Variants in CYTH3 observed in about 807,000 individuals in gnomAD.
CYTH3 encodes the protein cytohesin-3.
A neutral mutation model predicts 55.1 loss-of-function variants in CYTH3; 23 were observed. The observed-to-expected ratio is 0.42, with a 90% CI of 0.30 to 0.59. CYTH3 has a LOEUF of 0.59. CYTH3 is among the 20% of genes least tolerant of loss of function. CYTH3 has a pLI of 0.20. For missense variants in CYTH3, 413 were observed against 524.8 expected (o/e 0.79, Z 2.08); for synonymous variants, 249 against 194.9 (o/e 1.28, Z -2.31).
chr7:6,219,003 C>CAAA (rs35386425), intron 1 of CYTH3, among the ~76,000 whole-genome samples: 23 of 74,282 alleles, frequency 3.1e-4, no homozygotes, highest in South Asian at 9.8e-4. Context: ...GACTCCGTCT[C>CAAA]AAAAAAAAAA....
chr7:6,250,138 C>T (rs1163668813), intron 1 of CYTH3, among the ~76,000 whole-genome samples: 1 of 152,134 alleles, frequency 6.6e-6, no homozygotes, highest in African/African-American at 2.4e-5. Context: ...AGACTCTTCA[C>T]GCTTCTGTTA....
intron 1 of CYTH3, among the ~76,000 whole-genome samples, chr7:6,268,715 C>T (rs1048861437): frequency 2.0e-5 from 3 of 152,102 alleles, no homozygotes; most frequent in African/African-American, 4.8e-5. Flanking sequence ...AGGATTTACA[C>T]GCCTGTAATT....
intron 1 of CYTH3, among the ~76,000 whole-genome samples, chr7:6,217,751 G>C (rs1476917234): frequency 6.6e-6 from 1 of 152,080 alleles, no homozygotes; most frequent in East Asian, 1.9e-4. Flanking sequence ...TGTTTTTCAA[G>C]ACCCCACAGA....
At position 6,234,243 on chromosome 7, in the gene CYTH3, G is replaced by T. The variant is rs185298062; in HGVS notation, c.34+38231C>A. On this transcript the variant is annotated intron_variant, in intron 1 of 12. Transcript: ENST00000350796. ...CCACTGGAGATCCCTGTTAACAAGGGAGAGTTCTGGAGTGGCCCTCTCTTA... is the reference window on the plus strand; with the variant it reads ...CCACTGGAGATCCCTGTTAACAAGGTAGAGTTCTGGAGTGGCCCTCTCTTA... 3.9e-5 allele frequency among the ~76,000 whole-genome samples: 6 copies of T among 152,302 alleles called. No homozygotes were observed. In the East Asian group the frequency reaches 1.2e-3, roughly 29 times the overall value.
At chr7:6,206,838 T>C (rs1467418090) in intron 1 of CYTH3, among the ~76,000 whole-genome samples, 1 of 152,174 alleles carries the variant, frequency 6.6e-6, no homozygotes, top group Non-Finnish European at 1.5e-5. Flanking sequence ...CCTGTGGCTC[T>C]AAGATACAAA....
chr7:6,248,073 T>C (rs1479583910), intron 1 of CYTH3, among the ~76,000 whole-genome samples: 2 of 152,120 alleles, frequency 1.3e-5, no homozygotes, highest in East Asian at 1.9e-4. Context: ...CAGCACAAAG[T>C]AGATTCAATC....
chr7:6,229,615 GC>G (rs1230220936), intron 1 of CYTH3, among the ~76,000 whole-genome samples: 1 of 147,034 alleles, frequency 6.8e-6, no homozygotes, highest in Non-Finnish European at 1.5e-5. Context: ...CTCAAGACCA[GC>G]CTGGCCAACA....
At chr7:6,178,102 T>C (rs1026750151) in intron 4 of CYTH3, among the ~76,000 whole-genome samples, 161 bp from the exon 5 acceptor site, 2 of 152,206 alleles carry the variant, frequency 1.3e-5, no homozygotes, top group African/African-American at 2.4e-5. Flanking sequence ...CCCAAATCCA[T>C]ACTACATTTT....
At chr7:6,192,572 G>C (rs187062815) in intron 1 of CYTH3, among the ~76,000 whole-genome samples, 1 of 130,612 alleles carries the variant, frequency 7.7e-6, no homozygotes, top group Non-Finnish European at 1.5e-5. Flanking sequence ...TCGCTCTGTC[G>C]CCAGGCTGGA....
chr7:6,204,903 G>A lies in CYTH3; in HGVS notation c.35-14372C>T, dbSNP rs189789306. ...CTAGAGGATGAGTGCGGTGGCTCAC[G>A]CCTGTAATTCCAGAGCTTTGGGAGG... On this transcript the variant is annotated intron_variant, in intron 1 of 12. Coordinates refer to ENST00000350796, the MANE Select transcript of CYTH3 (RefSeq NM_004227.4). 2.2e-3 allele frequency among the ~76,000 whole-genome samples: 340 copies of A among 152,030 alleles called. 2 individuals are homozygous for A. Among genetic ancestry groups the A allele is most frequent in the Non-Finnish European group, 1.1e-3 (77 of 67,950 alleles).
rs1050708462 is a variant in CYTH3, at chr7:6,162,273, C to G, written c.*2671G>C. The G allele has an allele frequency of 6.6e-6, 1 of 152,232 alleles. No individual in the cohort carries two copies. The highest frequency in any genetic ancestry group is 2.4e-5 in the African/African-American group (1 of 41,446). The allele number at this position is 152,232 out of a possible 1,614,324, so 9.4% of individuals were successfully genotyped here. A position where few individuals can be genotyped will look rare whatever the true frequency, so the allele number is the denominator to read the frequency against. On this transcript the variant is annotated 3_prime_UTR_variant, in exon 13 of 13. Transcript: ENST00000350796. The stretch of plus-strand genomic sequence containing the variant: ...AATTAAACTCAAATATGAACCAGGG[C>G]GGCCAGCAAGACAGGCTGGAAGGGC...
rs911551076 is a variant in CYTH3, at chr7:6,186,198, C to G, written c.249+852G>C. On this transcript the variant is annotated intron_variant, in intron 4 of 12. Coordinates refer to ENST00000350796, the MANE Select transcript of CYTH3 (RefSeq NM_004227.4). ...GGCGGAGCTTGCAGTGAGCCAAGATCGTGCCACTGCACTCCAGCCTGGGTG... is the reference window on the plus strand; with the variant it reads ...GGCGGAGCTTGCAGTGAGCCAAGATGGTGCCACTGCACTCCAGCCTGGGTG... Among the ~76,000 whole-genome samples the G allele has an allele frequency of 2.7e-5, 4 of 146,030 alleles. No individual in the cohort carries two copies. The South Asian group carries it at 6.5e-4, about 24-fold the overall frequency.
At chr7:6,195,239 T>A (rs1783896619) in intron 1 of CYTH3, among the ~76,000 whole-genome samples, 1 of 152,164 alleles carries the variant, frequency 6.6e-6, no homozygotes, top group African/African-American at 2.4e-5. Context: ...AAGAACACAA[T>A]GTTCAGCTTA....
intron 1 of CYTH3, among the ~76,000 whole-genome samples, chr7:6,247,741 G>A (rs1204819831): frequency 6.6e-6 from 1 of 152,030 alleles, no homozygotes; most frequent in Non-Finnish European, 1.5e-5. Context: ...CAACTTCTGG[G>A]CTCAAGCGAT....
At chr7:6,219,351 A>C (rs896510246) in intron 1 of CYTH3, among the ~76,000 whole-genome samples, 1 of 152,236 alleles carries the variant, frequency 6.6e-6, no homozygotes, top group Non-Finnish European at 1.5e-5. Flanking sequence ...TGCAGAAGAG[A>C]GAAATTAAGA....
chr7:6,272,318 G>A (rs1402295781), intron 1 of CYTH3, among the ~76,000 whole-genome samples, 156 bp downstream of exon 1: 2 of 149,220 alleles, frequency 1.3e-5, no homozygotes, highest in South Asian at 4.3e-4. Context: ...CCTCGGCCCT[G>A]GCCCGGCGTG....
chr7:6,245,196 A>C (rs1472373717), intron 1 of CYTH3, among the ~76,000 whole-genome samples: 3 of 151,798 alleles, frequency 2.0e-5, no homozygotes, highest in Non-Finnish European at 2.9e-5. Flanking sequence ...TGCAGGGGGA[A>C]AGTGTAAGGT....
chr7:6,259,983 A>G (rs958035936), intron 1 of CYTH3, among the ~76,000 whole-genome samples: 14 of 147,812 alleles, frequency 9.5e-5, no homozygotes, highest in African/African-American at 3.3e-4. Context: ...GGCATGCACC[A>G]CCACACCAGG....
intron 1 of CYTH3, among the ~76,000 whole-genome samples, chr7:6,243,800 G>A (rs1367624085): frequency 6.6e-6 from 1 of 152,192 alleles, no homozygotes; most frequent in South Asian, 2.1e-4. Context: ...AACACCAGGA[G>A]TGTGAGGATA....
Sources: gnomAD v4.1 joint callset for allele counts (sites outside exome capture counted in the v4.1 genomes callset) on GRCh38, gnomAD v4.1.1 for gene constraint, MANE v1.5 for transcripts, NCBI Gene and HGNC (gene_info 2026-07-23, HGNC 2026-07-21) for gene names.